Variants in CADM4 observed in about 807,000 individuals in gnomAD.
CADM4 encodes the protein cell adhesion molecule 4, also known as TSLC1-like 2.
Under a neutral mutation model 43.9 loss-of-function variants are expected in CADM4, and 13 were observed. The ratio of observed to expected loss-of-function variants is 0.30; its 90% CI spans 0.19 to 0.47. The LOEUF (loss-of-function observed/expected upper bound fraction) is 0.47. Among genes scored for constraint, CADM4 ranks in the 20% least tolerant of loss-of-function variants. The pLI is 1.00. For synonymous variants in CADM4, 209 were observed against 220.9 expected, an observed-to-expected ratio of 0.95 and a Z score of 0.48; for missense variants, 420 against 527.0, an observed-to-expected ratio of 0.80 and a Z score of 1.99.
intron 1 of CADM4, among the ~76,000 whole-genome samples, chr19:43,630,104 C>G (rs537291213): frequency 1.7e-4 from 26 of 151,316 alleles, no homozygotes; most frequent in Non-Finnish European, 3.2e-4. Context: ...GGAGTTTCAC[C>G]GTGTTGCCCA....
intron 1 of CADM4, among the ~76,000 whole-genome samples, chr19:43,639,395 G>T (rs1463386367): frequency 1.3e-5 from 2 of 151,674 alleles, no homozygotes; most frequent in Admixed American, 6.6e-5. Context: ...TCAGAGACGG[G>T]CGGACAGAGG....
At chr19:43,641,072 G>A (rs1167934429), upstream of CADM4, among the ~76,000 whole-genome samples, 1 of 150,136 alleles carries the variant, frequency 6.7e-6, no homozygotes, top group Non-Finnish European at 1.5e-5. Flanking sequence ...AGGTTCCAGT[G>A]ATTCTCCTGC....
rs971795226 is a variant in CADM4 at position 43,624,241 on chromosome 19, G to T, written c.930C>A (p.Asp310Glu). Reference sequence around the variant, plus strand: ...TCTGAGCCTCTACCACCGCACCAGGGTCTGCCAGAGGGACACGGCACAGGA... The same window carrying T: ...TCTGAGCCTCTACCACCGCACCAGGTTCTGCCAGAGGGACACGGCACAGGA... ...ARALYVLVVY[D>E]PGAVVEAQTS... is the part of the protein sequence containing the mutation. The change falls in exon 8 of 9, where the codon GAC (aspartate) becomes GAA (glutamate). Residue 310 changes from aspartate (D) to glutamate (E), a missense_variant and splice_region_variant. By Grantham distance (45) the Asp-to-Glu change is conservative. Coordinates refer to ENST00000222374, the MANE Select transcript of CADM4 (RefSeq NM_145296.2). The T allele has an allele frequency of 1.9e-6, 3 of 1,614,150 alleles. 1 individual carries two copies. Among genetic ancestry groups the T allele is most frequent in the Non-Finnish European group, 1.7e-6 (2 of 1,180,038 alleles).
Position 43,627,167 on chromosome 19 carries a change from T to C in CADM4, c.363A>G (p.Leu121=). 6.3e-7 allele frequency: 1 copy of C among 1,593,004 alleles called. No homozygotes were observed. The highest frequency in any genetic ancestry group is 8.6e-7 in the Non-Finnish European group (1 of 1,167,820). Residue 121 remains leucine (L), a splice_region_variant and synonymous_variant, in exon 3 of 9, where the codon CTA becomes CTG. Coordinates refer to ENST00000222374, the MANE Select transcript of CADM4 (RefSeq NM_145296.2). This position sits in a 1 kb window ranked among gnomAD's most constrained non-coding sequence, Gnocchi z 4.0. ...THHQIATLTV[L]VAPENPVVEV... ...GTCTGACAAGGGGGAGGGCGTTACCTAGTACCGTGAGCGTGGCAATCTGGT... is the reference window on the plus strand; with the variant it reads ...GTCTGACAAGGGGGAGGGCGTTACCCAGTACCGTGAGCGTGGCAATCTGGT...
At position 43,628,272 on chromosome 19, in the gene CADM4, A is replaced by C. The variant is rs180805943; in HGVS notation, c.65-482T>G. 8.1e-3 allele frequency among the ~76,000 whole-genome samples: 1,220 copies of C among 150,978 alleles called. 8 individuals are homozygous for C. The highest frequency in any genetic ancestry group is 0.013 in the Non-Finnish European group (904 of 67,582). ...AACCCTGTCACTACTAAAAATACAA[A>C]AAAAAAAAAAAAATTAGCTGGGTGT... On this transcript the variant is annotated intron_variant, in intron 1 of 8. Coordinates refer to ENST00000222374, the MANE Select transcript of CADM4 (RefSeq NM_145296.2).
intron 1 of CADM4, among the ~76,000 whole-genome samples, chr19:43,634,279 C>G (rs1304855102): frequency 6.6e-6 from 1 of 152,242 alleles, no homozygotes; most frequent in Non-Finnish European, 1.5e-5. Flanking sequence ...CATGCACATT[C>G]TGGTGCTTTT....
Position 43,626,857 on chromosome 19 carries a change from C to CTCCA in CADM4, c.422_425dup (p.Glu142AspfsTer51). 6.2e-7 allele frequency: 1 copy of CTCCA among 1,610,886 alleles called. No homozygotes were observed. The highest frequency in any genetic ancestry group is 8.5e-7 in the Non-Finnish European group (1 of 1,179,190). ...GGGACCGCGGAACGAGGCAGCTGAG[C>CTCCA]TCCACCTCGCCGCCCTCTACCGCCT... On this transcript the variant is annotated frameshift_variant, in exon 4 of 9. Transcript: ENST00000222374. LOFTEE classifies it high-confidence loss of function. The surrounding 1 kb of genome is among the most constrained non-coding windows in gnomAD (Gnocchi z 5.9).
chr19:43,626,632 G>C lies in CADM4; in HGVS notation c.499+152C>G. The C allele has an allele frequency of 9.9e-7, 1 of 1,009,398 alleles. No individual in the cohort carries two copies. Among genetic ancestry groups the C allele is most frequent in the Non-Finnish European group, 1.4e-6 (1 of 709,800 alleles). 62.5% of individuals were successfully genotyped at this position (1,009,398 alleles called of 1,614,324 possible). On this transcript the variant is annotated intron_variant, in intron 4 of 8. Coordinates refer to ENST00000222374, the MANE Select transcript of CADM4 (RefSeq NM_145296.2). The surrounding 1 kb of genome is among the most constrained non-coding windows in gnomAD (Gnocchi z 5.9). Reference sequence around the variant, plus strand: ...CCCATCTCAGCCTCCCAAAGTGCTAGGACTACAGGCGTGAGCCACCGCGCT... The same window carrying C: ...CCCATCTCAGCCTCCCAAAGTGCTACGACTACAGGCGTGAGCCACCGCGCT...
chr19:43,625,905 G>A lies in CADM4; in HGVS notation c.755+6C>T. 1 of 1,612,956 alleles carries A rather than the reference G, an allele frequency of 6.2e-7. No individual in the cohort carries two copies. The highest frequency in any genetic ancestry group is 1.7e-4 in the Middle Eastern group (1 of 6,054). The stretch of plus-strand genomic sequence containing the variant: ...CCTGAGGACGCAGGAGGCCCCCAGA[G>A]CTCACCTGGGGTTCCCCGTGACAGC... On this transcript the variant is annotated splice_donor_region_variant and intron_variant, in intron 6 of 8. Transcript: ENST00000222374. This position sits in a 1 kb window ranked among gnomAD's most constrained non-coding sequence, Gnocchi z 4.5.
chr19:43,635,371 A>T (rs1442402591), intron 1 of CADM4, among the ~76,000 whole-genome samples: 2 of 151,332 alleles, frequency 1.3e-5, no homozygotes, highest in African/African-American at 4.9e-5. Flanking sequence ...ACAAAGCGTC[A>T]ATTCTTCCCC....
chr19:43,639,595 T>C, intron 1 of CADM4, 132 bp downstream of exon 1: 1 of 436,552 alleles, frequency 2.3e-6, no homozygotes, highest in Non-Finnish European at 3.0e-6. Context: ...GCGCTGCGCT[T>C]TGTCCCGGGG....
chr19:43,623,163 T>TTGC lies in CADM4; in HGVS notation c.*166_*167insGCA. 1 of 622,718 alleles carries TTGC rather than the reference T, an allele frequency of 1.6e-6. No individual in the cohort carries two copies. Among genetic ancestry groups the TTGC allele is most frequent in the East Asian group, 2.7e-5 (1 of 37,194 alleles). The allele number at this position is 622,718 out of a possible 1,614,324, so 38.6% of individuals were successfully genotyped here. A position where few individuals can be genotyped will look rare whatever the true frequency, so the allele number is the denominator to read the frequency against. ...CCCTCACTTCTGGCCCTTACAGAGA[T>TTGC]CCAGGCATCCAACACCCCCATCCCT... On this transcript the variant is annotated 3_prime_UTR_variant, in exon 9 of 9. Coordinates refer to ENST00000222374, the MANE Select transcript of CADM4 (RefSeq NM_145296.2). This position sits in a 1 kb window ranked among gnomAD's most constrained non-coding sequence, Gnocchi z 4.4.
At chr19:43,629,652 T>C (rs1791668852) in intron 1 of CADM4, among the ~76,000 whole-genome samples, 1 of 152,124 alleles carries the variant, frequency 6.6e-6, no homozygotes. Flanking sequence ...AGAGTATTGC[T>C]CTGTTGCCCA....
At position 43,627,506 on chromosome 19, in the gene CADM4, GC is replaced by G; in HGVS notation, c.211+137del. ...TCAAGTCCTCCTGCCTGCAGGACCA[GC>G]AGTCCGGGACCCCAGCCCTTTCTTC... is the stretch of plus-strand genomic sequence containing the variant. On this transcript the variant is annotated intron_variant, in intron 2 of 8. Transcript: ENST00000222374. This position sits in a 1 kb window ranked among gnomAD's most constrained non-coding sequence, Gnocchi z 4.0. The G allele has an allele frequency of 8.3e-7, 1 of 1,206,956 alleles. No individual in the cohort carries two copies. The allele number at this position is 1,206,956 out of a possible 1,614,324, so 74.8% of individuals were successfully genotyped here. A position where few individuals can be genotyped will look rare whatever the true frequency, so the allele number is the denominator to read the frequency against.
At position 43,625,098 on chromosome 19, in the gene CADM4, A is replaced by C; in HGVS notation, c.908T>G (p.Leu303Arg). 4 of 1,609,612 alleles carry C rather than the reference A, an allele frequency of 2.5e-6. No homozygotes were observed. Among genetic ancestry groups the C allele is most frequent in the Non-Finnish European group, 3.4e-6 (4 of 1,178,124 alleles). ...ASNKHGHARA[L>R]YVLVVYDPGA... Reference sequence around the variant, plus strand: ...CTCACCGTAGACCACAAGTACGTAGAGCGCCCTCGCATGGCCGTGCTTATT... The same window carrying C: ...CTCACCGTAGACCACAAGTACGTAGCGCGCCCTCGCATGGCCGTGCTTATT... Residue 303 changes from leucine to arginine, a missense_variant, in exon 7 of 9, where the codon CTC (leucine) becomes CGC (arginine). Coordinates refer to ENST00000222374, the MANE Select transcript of CADM4 (RefSeq NM_145296.2). The surrounding 1 kb of genome is among the most constrained non-coding windows in gnomAD (Gnocchi z 4.5).
At chr19:43,636,354 C>T (rs564687399) in intron 1 of CADM4, among the ~76,000 whole-genome samples, 14 of 152,056 alleles carry the variant, frequency 9.2e-5, no homozygotes, top group Non-Finnish European at 1.6e-4. Flanking sequence ...ATTCCTGCTC[C>T]GGGAAGGGTG....
At chr19:43,633,984 T>C (rs1337806172) in intron 1 of CADM4, among the ~76,000 whole-genome samples, 6 of 152,068 alleles carry the variant, frequency 3.9e-5, no homozygotes, top group Non-Finnish European at 7.4e-5. Context: ...GCATGAGCCA[T>C]TGCAGCTGGC....
chr19:43,634,602 G>T (rs879428816), intron 1 of CADM4, among the ~76,000 whole-genome samples: 12 of 148,124 alleles, frequency 8.1e-5, no homozygotes, highest in Non-Finnish European at 1.5e-4. Flanking sequence ...TGTTTGGGGG[G>T]TTGGGGGTGG....
Position 43,627,979 on chromosome 19 carries a change from C to T in CADM4, c.65-189G>A, listed in dbSNP as rs991402053. 2.0e-5 allele frequency among the ~76,000 whole-genome samples: 3 copies of T among 152,132 alleles called. No homozygotes were observed. The highest frequency in any genetic ancestry group is 1.3e-4 in the Admixed American group (2 of 15,266). On this transcript the variant is annotated intron_variant, in intron 1 of 8. Coordinates refer to ENST00000222374, the MANE Select transcript of CADM4 (RefSeq NM_145296.2). This position sits in a 1 kb window ranked among gnomAD's most constrained non-coding sequence, Gnocchi z 4.0. ...AAATCTGCTCCCTACTCTAAAAGAGCTGCAGTCAAGATTTAGTAGAATATG... is the reference window on the plus strand; with the variant it reads ...AAATCTGCTCCCTACTCTAAAAGAGTTGCAGTCAAGATTTAGTAGAATATG...
Sources: allele counts gnomAD v4.1 joint callset (sites outside exome capture counted in the v4.1 genomes callset), GRCh38; gene constraint gnomAD v4.1.1; non-coding constraint Gnocchi (gnomAD v3.1); transcripts MANE v1.5; gene names NCBI Gene and HGNC (gene_info 2026-07-23, HGNC 2026-07-21).